Variants in UHRF1 observed in about 807,000 individuals in gnomAD.
The protein encoded by UHRF1 is ubiquitin like with PHD and ring finger domains 1, also known as E3 ubiquitin-protein ligase UHRF1.
A neutral mutation model predicts 96.5 loss-of-function variants in UHRF1; 9 were observed. That is an observed-to-expected ratio of 0.09 (90% CI 0.06 to 0.16). The LOEUF (loss-of-function observed/expected upper bound fraction) is 0.16, where lower values mean the gene tolerates loss of function less well. Among genes scored for constraint, UHRF1 ranks in the 10% least tolerant of loss-of-function variants. The pLI, the probability that UHRF1 is intolerant of heterozygous loss-of-function variation, is 1.00. For synonymous variants in UHRF1, 455 were observed against 469.9 expected, an observed-to-expected ratio of 0.97 and a Z score of 0.41; for missense variants, 626 against 1,131.1, an observed-to-expected ratio of 0.55 and a Z score of 6.40.
At chr19:4,958,961 CAA>C (rs750693594) in intron 16 of UHRF1, among the ~76,000 whole-genome samples, 64 of 89,290 alleles carry the variant, frequency 7.2e-4, no homozygotes, top group Non-Finnish European at 9.4e-4. Flanking sequence ...GATTCTGTCT[CAA>C]AAAAAAAAAA....
At chr19:4,947,408 C>T (rs949197659) in intron 11 of UHRF1, among the ~76,000 whole-genome samples, 197 bp downstream of exon 11, 1 of 148,822 alleles carries the variant, frequency 6.7e-6, no homozygotes, top group Non-Finnish European at 1.5e-5. Flanking sequence ...TGGTCTGGTT[C>T]CTCCCGTATG....
intron 2 of UHRF1, among the ~76,000 whole-genome samples, chr19:4,923,721 A>C (rs1403245023): frequency 1.3e-5 from 2 of 152,092 alleles, no homozygotes; most frequent in Admixed American, 6.6e-5. Flanking sequence ...ATGTCTGGGG[A>C]CATTCATGAC....
At chr19:4,947,977 G>A (rs1041739263) in intron 11 of UHRF1, among the ~76,000 whole-genome samples, 3 of 151,864 alleles carry the variant, frequency 2.0e-5, no homozygotes, top group South Asian at 2.1e-4. Context: ...GTTAGCATGT[G>A]CCTATAGTCA....
chr19:4,904,191 T>G (rs7246767), intron 1 of UHRF1, among the ~76,000 whole-genome samples: 14,221 of 149,222 alleles, frequency 0.095, 761 homozygotes, highest in Middle Eastern at 0.17. Flanking sequence ...TTTTGTTTTT[T>G]TTTTGAGATT....
intron 10 of UHRF1, among the ~76,000 whole-genome samples, chr19:4,946,216 C>G (rs548655720): frequency 6.8e-6 from 1 of 147,194 alleles, no homozygotes; most frequent in South Asian, 2.2e-4. Flanking sequence ...ACCGCCCAAC[C>G]TGGTTCCTGC....
At chr19:4,928,088 C>A (rs17885603) in intron 2 of UHRF1, among the ~76,000 whole-genome samples, 10,003 of 152,152 alleles carry the variant, frequency 0.066, 1,039 homozygotes, top group African/African-American at 0.22. Flanking sequence ...GGGGGTCTCA[C>A]CCAGGGTGAC....
At chr19:4,911,212 G>A (rs922040246) in intron 2 of UHRF1, among the ~76,000 whole-genome samples, 174 bp downstream of exon 2, 1 of 152,160 alleles carries the variant, frequency 6.6e-6, no homozygotes, top group African/African-American at 2.4e-5. Context: ...CGAGAGGAAG[G>A]AACAAAGGGA....
intron 7 of UHRF1, among the ~76,000 whole-genome samples, chr19:4,943,832 G>A (rs2033482233): frequency 6.6e-6 from 1 of 152,150 alleles, no homozygotes; most frequent in African/African-American, 2.4e-5. Flanking sequence ...TGTATTTTTA[G>A]TAGAGATGGG....
In UHRF1 at chr19:4,952,393, C is replaced by CTTTT. The variant is rs150183272; in HGVS notation, c.1818+1413_1818+1416dup. Among the ~76,000 whole-genome samples the CTTTT allele has an allele frequency of 6.2e-4, 51 of 82,526 alleles. 2 individuals are homozygous for CTTTT. Among genetic ancestry groups the CTTTT allele is most frequent in the Non-Finnish European group, 9.4e-4 (43 of 45,630 alleles). The allele number at this position is 82,526 out of a possible 152,430, so 54.1% of individuals were successfully genotyped here. On this transcript the variant is annotated intron_variant, in intron 13 of 16. Coordinates refer to ENST00000650932, the MANE Select transcript of UHRF1 (RefSeq NM_001048201.3). ...ACAGGCGTAAGCCACCGCTCCCAGC[C>CTTTT]TTTTTTTTTTTTTTTTTTTGGAGAC... is the stretch of plus-strand genomic sequence containing the variant.
chr19:4,934,311 G>A (rs2033153560), intron 5 of UHRF1, among the ~76,000 whole-genome samples: 2 of 152,174 alleles, frequency 1.3e-5, no homozygotes, highest in Admixed American at 6.6e-5. Context: ...TGGGATTACA[G>A]GCATGAGCCA....
In UHRF1 at chr19:4,930,922, C is replaced by T. The variant is rs373919949; in HGVS notation, c.569+46C>T. 1.6e-4 allele frequency: 265 copies of T among 1,606,650 alleles called. No individual in the cohort carries two copies. The highest frequency in any genetic ancestry group is 2.0e-4 in the Non-Finnish European group (234 of 1,175,046). On this transcript the variant is annotated intron_variant, in intron 4 of 16. Coordinates refer to ENST00000650932, the MANE Select transcript of UHRF1 (RefSeq NM_001048201.3). This position sits in a 1 kb window ranked among gnomAD's most constrained non-coding sequence, Gnocchi z 4.4. ...GGGCCTGGGTATTCAGGCTCTGTGACGCGCATCCTTGGCTGCGGGTGTTCA... is the reference window on the plus strand; with the variant it reads ...GGGCCTGGGTATTCAGGCTCTGTGATGCGCATCCTTGGCTGCGGGTGTTCA...
intron 11 of UHRF1, among the ~76,000 whole-genome samples, chr19:4,947,537 G>A: frequency 9.1e-6 from 1 of 109,350 alleles, no homozygotes; most frequent in East Asian, 3.0e-4. Context: ...GTCTCGCTCT[G>A]TTGCCCAGGC....
In UHRF1 at chr19:4,914,319, C is replaced by T. The variant is rs117689060; in HGVS notation, c.153+3281C>T. ...TGAAGTCTGCAGGCACCCAGGCTAA[C>T]GTGATAGAAAGCAACACAGTTCCCG... On this transcript the variant is annotated intron_variant, in intron 2 of 16. Transcript: ENST00000650932. Among the ~76,000 whole-genome samples, 427 of 152,216 alleles carry T rather than the reference C, an allele frequency of 2.8e-3. 3 individuals carry two copies. The highest frequency in any genetic ancestry group is 6.9e-3 in the Admixed American group (105 of 15,280).
At chr19:4,919,236 C>T (rs771991213) in intron 2 of UHRF1, among the ~76,000 whole-genome samples, 22 of 151,788 alleles carry the variant, frequency 1.4e-4, no homozygotes, top group Non-Finnish European at 2.5e-4. Context: ...TCAAGTGATC[C>T]TCCCGTCTTG....
intron 1 of UHRF1, among the ~76,000 whole-genome samples, chr19:4,904,224 G>A (rs1305597802): frequency 1.3e-5 from 2 of 151,834 alleles, no homozygotes; most frequent in Non-Finnish European, 2.9e-5. Flanking sequence ...TGTCACCCAG[G>A]CTGGAGTGCA....
In UHRF1 at chr19:4,932,120, G is replaced by T. The variant is rs554303707; in HGVS notation, c.570-621G>T. On this transcript the variant is annotated intron_variant, in intron 4 of 16. Coordinates refer to ENST00000650932, the MANE Select transcript of UHRF1 (RefSeq NM_001048201.3). ...ATTTTGTATTTTTAGTAGAGATGGG[G>T]TTTCTCCATGTTGGCTGGTCTCCAA... Among the ~76,000 whole-genome samples, 5 of 152,124 alleles carry T rather than the reference G, an allele frequency of 3.3e-5. No homozygotes were observed. In the South Asian group the frequency reaches 1.0e-3, roughly 32 times the overall value.
At chr19:4,941,485 G>C (rs758563068) in intron 5 of UHRF1, 43 bp from the exon 6 acceptor site, 11 of 1,524,258 alleles carry the variant, frequency 7.2e-6, no homozygotes, top group South Asian at 2.3e-5. Flanking sequence ...AGATTTAGGG[G>C]CCTCGGCAGG....
intron 9 of UHRF1, among the ~76,000 whole-genome samples, chr19:4,945,079 C>G (rs982764160): frequency 2.0e-5 from 3 of 152,134 alleles, no homozygotes; most frequent in Non-Finnish European, 2.9e-5. Flanking sequence ...TGGGGCCAGG[C>G]GTGCAGGGCT....
In UHRF1 at chr19:4,912,775, C is replaced by T. The variant is rs118107484; in HGVS notation, c.153+1737C>T. On this transcript the variant is annotated intron_variant, in intron 2 of 16. Transcript: ENST00000650932. The stretch of plus-strand genomic sequence containing the variant: ...TCATTGATTTTTTTTGTTGTTGTTC[C>T]TATTTGAGACAGGATCTCACTCTGC... 1.0e-3 allele frequency among the ~76,000 whole-genome samples: 156 copies of T among 152,034 alleles called. 1 individual carries two copies. Among genetic ancestry groups the T allele is most frequent in the Middle Eastern group, 0.01 (3 of 294 alleles).
Sources: gnomAD v4.1 joint callset for allele counts (sites outside exome capture counted in the v4.1 genomes callset) on GRCh38, gnomAD v4.1.1 for gene constraint, Gnocchi (gnomAD v3.1) non-coding constraint, MANE v1.5 for transcripts, NCBI Gene and HGNC (gene_info 2026-07-23, HGNC 2026-07-21) for gene names.